Variants in NELL1 observed in about 807,000 individuals in gnomAD.
The protein encoded by NELL1 is protein kinase C-binding protein NELL1.
NELL1 carries 76 observed loss-of-function variants against 107.4 expected under a neutral mutation model. The observed-to-expected ratio is 0.71, with a 90% CI of 0.59 to 0.86. The LOEUF is 0.86. Among genes scored for constraint, NELL1 ranks in the 40% least tolerant of loss-of-function variants. NELL1 has a pLI of 0.00. For synonymous variants in NELL1, 353 were observed against 341.2 expected, an observed-to-expected ratio of 1.03 and a Z score of -0.38; for missense variants, 1,024 against 1,005.5, an observed-to-expected ratio of 1.02 and a Z score of -0.25.
intron 12 of NELL1, among the ~76,000 whole-genome samples, chr11:20,993,843 G>C (rs1243166561): frequency 4.0e-5 from 6 of 151,294 alleles, no homozygotes; most frequent in Admixed American, 6.6e-5. Flanking sequence ...ATGGATCGGG[G>C]GATGGGGGAC....
At chr11:20,820,610 C>T (rs550313944) in intron 3 of NELL1, among the ~76,000 whole-genome samples, 153 of 152,238 alleles carry the variant, frequency 1.0e-3, no homozygotes, top group Non-Finnish European at 1.4e-3. Flanking sequence ...ATCTCCTGCC[C>T]CTACTACATT....
intron 14 of NELL1, among the ~76,000 whole-genome samples, chr11:21,259,035 T>C (rs2133919978): frequency 6.6e-6 from 1 of 152,002 alleles, no homozygotes; most frequent in East Asian, 1.9e-4. Context: ...AAGAAGACTA[T>C]AAACCTAAGG....
chr11:21,307,978 A>G (rs1049864974), intron 14 of NELL1, among the ~76,000 whole-genome samples: 6 of 152,018 alleles, frequency 3.9e-5, no homozygotes, highest in African/African-American at 1.2e-4. Context: ...GCCAAACTAA[A>G]TTGGTCATAT....
rs55684266 is a variant in NELL1 at position 21,470,077 on chromosome 11, T to C, written c.1646-64297T>C. On this transcript the variant is annotated intron_variant, in intron 15 of 19. Coordinates refer to ENST00000357134, the MANE Select transcript of NELL1 (RefSeq NM_006157.5). ...AATTACTCTATGCCAGGTACTTATA[T>C]ATGTAGTTTTCTTTATGAACTCATT... Among the ~76,000 whole-genome samples the C allele has an allele frequency of 4.6e-5, 7 of 152,194 alleles. 1 individual carries two copies. Among genetic ancestry groups the C allele is most frequent in the Non-Finnish European group, 1.0e-4 (7 of 67,986 alleles).
chr11:21,516,738 C>CAT (rs987805580), intron 15 of NELL1, among the ~76,000 whole-genome samples: 2 of 142,260 alleles, frequency 1.4e-5, no homozygotes, highest in Admixed American at 7.2e-5. Context: ...CACACACACA[C>CAT]ATACACACAC....
At chr11:21,417,191 G>T (rs773609795) in intron 15 of NELL1, among the ~76,000 whole-genome samples, 3 of 151,884 alleles carry the variant, frequency 2.0e-5, no homozygotes, top group Non-Finnish European at 2.9e-5. Flanking sequence ...TCTTGCTCTT[G>T]TTTGTCTACC....
At chr11:21,447,171 G>C (rs1296438267) in intron 15 of NELL1, among the ~76,000 whole-genome samples, 3 of 152,142 alleles carry the variant, frequency 2.0e-5, no homozygotes, top group African/African-American at 7.2e-5. Context: ...CTTCAGAGCA[G>C]TGGGCTCCCC....
intron 2 of NELL1, among the ~76,000 whole-genome samples, chr11:20,767,528 T>TACAGAGTG (rs1411381718): frequency 2.6e-5 from 4 of 152,192 alleles, no homozygotes; most frequent in Admixed American, 2.6e-4. Flanking sequence ...GGTGCATTTT[T>TACAGAGTG]ACAGAGTGCT....
At chr11:21,437,534 T>C (rs1853154549) in intron 15 of NELL1, among the ~76,000 whole-genome samples, 1 of 152,116 alleles carries the variant, frequency 6.6e-6, no homozygotes, top group Non-Finnish European at 1.5e-5. Context: ...TAATTTTGTA[T>C]TTTTAGTAGA....
chr11:20,824,074 G>A (rs1014336060), intron 3 of NELL1, among the ~76,000 whole-genome samples: 3 of 151,182 alleles, frequency 2.0e-5, no homozygotes, highest in Non-Finnish European at 4.4e-5. Context: ...CCTGGTGGGA[G>A]GTGATTAGAT....
chr11:21,298,267 T>C (rs2133968205), intron 14 of NELL1, among the ~76,000 whole-genome samples: 1 of 152,166 alleles, frequency 6.6e-6, no homozygotes, highest in South Asian at 2.1e-4. Flanking sequence ...CCCAGCACCA[T>C]CAGTAGCTCT....
rs115999570 is a variant in NELL1 at position 21,041,474 on chromosome 11, G to A, written c.1301-72115G>A. Among the ~76,000 whole-genome samples the A allele has an allele frequency of 5.7e-3, 863 of 152,210 alleles. 11 individuals are homozygous for A. Among genetic ancestry groups the A allele is most frequent in the African/African-American group, 0.02 (830 of 41,534 alleles). On this transcript the variant is annotated intron_variant, in intron 12 of 19. Coordinates refer to ENST00000357134, the MANE Select transcript of NELL1 (RefSeq NM_006157.5). ...TTATTTCTCACCAGCTATAGGTTGG[G>A]TGGTTAGTATATATTACCTTATCAC...
intron 11 of NELL1, among the ~76,000 whole-genome samples, chr11:20,955,665 A>C (rs910407671): frequency 6.6e-6 from 1 of 152,194 alleles, no homozygotes; most frequent in African/African-American, 2.4e-5. Flanking sequence ...TAGCCCATTT[A>C]AGTTTCTCAA....
chr11:20,795,908 G>A (rs1033912926), intron 3 of NELL1, among the ~76,000 whole-genome samples: 1 of 152,128 alleles, frequency 6.6e-6, no homozygotes, highest in South Asian at 2.1e-4. Context: ...TCTATCAATT[G>A]CTAGATGTTT....
At chr11:20,862,654 CA>C (rs1458271882) in intron 4 of NELL1, among the ~76,000 whole-genome samples, 3 of 132,100 alleles carry the variant, frequency 2.3e-5, no homozygotes, top group Non-Finnish European at 4.6e-5. Flanking sequence ...GTGTTTCTCG[CA>C]GAGGATTTGG....
chr11:21,522,920 A>T (rs1448202987), intron 15 of NELL1, among the ~76,000 whole-genome samples: 2 of 126,486 alleles, frequency 1.6e-5, no homozygotes, highest in African/African-American at 6.2e-5. Flanking sequence ...GGCTCACTTC[A>T]TGCAAGCTCT....
chr11:21,502,068 T>C (rs1006322365), intron 15 of NELL1, among the ~76,000 whole-genome samples: 5 of 152,178 alleles, frequency 3.3e-5, no homozygotes, highest in African/African-American at 1.2e-4. Flanking sequence ...CAAATCCTAG[T>C]GACCTCTGAA....
intron 14 of NELL1, among the ~76,000 whole-genome samples, chr11:21,361,965 C>A (rs1371716530): frequency 6.6e-6 from 1 of 152,108 alleles, no homozygotes; most frequent in Non-Finnish European, 1.5e-5. Context: ...AATAATCAAC[C>A]TTTCAAATTC....
At chr11:20,971,574 C>A (rs534645151) in intron 12 of NELL1, among the ~76,000 whole-genome samples, 1 of 152,264 alleles carries the variant, frequency 6.6e-6, no homozygotes, top group African/African-American at 2.4e-5. Flanking sequence ...TATGTTACTG[C>A]CTGCCGTGAC....
Sources: allele counts gnomAD v4.1 joint callset (sites outside exome capture counted in the v4.1 genomes callset), GRCh38; gene constraint gnomAD v4.1.1; transcripts MANE v1.5; gene names NCBI Gene and HGNC (gene_info 2026-07-23, HGNC 2026-07-21).